DNAH6: variants seen among roughly 807,000 people sequenced by gnomAD.
DNAH6 encodes the protein dynein axonemal heavy chain 6, also known as axonemal beta dynein heavy chain 6.
In DNAH6, 340 loss-of-function variants were observed where a neutral mutation model predicts 491.4. The ratio of observed to expected loss-of-function variants is 0.69; its 90% CI spans 0.63 to 0.76. The LOEUF is 0.76. Ranked by LOEUF, DNAH6 falls within the 30% of genes least tolerant of loss-of-function variation. The probability of loss-of-function intolerance (pLI) is 0.00; values close to 1 mark genes in which losing one functional copy is unlikely to be tolerated. For synonymous variants in DNAH6, 1,603 were observed against 1,686.1 expected (o/e 0.95, Z 1.21); for missense variants, 4,443 against 4,972.2 (o/e 0.89, Z 3.20).
intron 37 of DNAH6, among the ~76,000 whole-genome samples, chr2:84,659,732 C>T (rs142336629): frequency 5.9e-5 from 9 of 152,196 alleles, no homozygotes; most frequent in African/African-American, 2.2e-4. Context: ...CCTGTAATCC[C>T]AGCATTTTGG....
At chr2:84,601,653 A>G (rs1040899627) in intron 18 of DNAH6, among the ~76,000 whole-genome samples, 5 of 582 alleles carry the variant, frequency 8.6e-3, no homozygotes, top group African/African-American at 0.051. Flanking sequence ...TATTTTTTTA[A>G]TCCAGTCTGA....
chr2:84,595,256 T>G (rs1374642765), intron 17 of DNAH6, among the ~76,000 whole-genome samples: 1 of 152,204 alleles, frequency 6.6e-6, no homozygotes, highest in East Asian at 1.9e-4. Context: ...AGTATATAGA[T>G]CTATAATTTT....
intron 63 of DNAH6, among the ~76,000 whole-genome samples, chr2:84,754,211 C>A (rs1360189989): frequency 6.6e-6 from 1 of 151,574 alleles, no homozygotes; most frequent in Non-Finnish European, 1.5e-5. Flanking sequence ...CGGAGTTTTG[C>A]CCTTGTCGCC....
chr2:84,692,155 A>G lies in DNAH6; in HGVS notation c.7293-2094A>G, dbSNP rs188743592. ...ACCAAAGATGATGTATATAGTAACT[A>G]ACTGTTACAGTCTCTAGAAGTTGGT... On this transcript the variant is annotated intron_variant, in intron 45 of 76. Transcript: ENST00000389394. Among the ~76,000 whole-genome samples, 568 of 152,274 alleles carry G rather than the reference A, an allele frequency of 3.7e-3. 2 individuals are homozygous for G. Among genetic ancestry groups the G allele is most frequent in the African/African-American group, 0.013 (538 of 41,536 alleles).
At position 84,781,515 on chromosome 2, in the gene DNAH6, C is replaced by A. The variant is rs1676699996; in HGVS notation, c.10726C>A (p.Gln3576Lys). 1.9e-6 allele frequency: 3 copies of A among 1,550,106 alleles called. No individual in the cohort carries two copies. The highest frequency in any genetic ancestry group is 3.3e-4 in the Middle Eastern group (2 of 6,006). ...SERVQSISLGQGQGPIAEKMV... is the reference protein window; with the variant it reads ...SERVQSISLGKGQGPIAEKMV... ...CAGGGTGCAGTCAATTTCACTGGGGCAAGGACAAGGACCTATTGCTGAAAA... is the reference window on the plus strand; with the variant it reads ...CAGGGTGCAGTCAATTTCACTGGGGAAAGGACAAGGACCTATTGCTGAAAA... Residue 3576 changes from glutamine to lysine, a missense_variant, in exon 65 of 77, where the codon CAA becomes AAA. Gln to Lys is a moderately conservative substitution (Grantham distance 53). Transcript: ENST00000389394.
intron 60 of DNAH6, among the ~76,000 whole-genome samples, chr2:84,723,437 C>T (rs1355720203): frequency 6.6e-6 from 1 of 152,098 alleles, no homozygotes; most frequent in Non-Finnish European, 1.5e-5. Context: ...TCCTGACTTC[C>T]TCAACTAGCT....
At chr2:84,629,838 CA>C (rs1383743895) in intron 29 of DNAH6, among the ~76,000 whole-genome samples, 1 of 152,040 alleles carries the variant, frequency 6.6e-6, no homozygotes, top group East Asian at 1.9e-4. Context: ...ATAGCCACAA[CA>C]AAATACCAAA....
chr2:84,684,141 T>C (rs887579168), intron 42 of DNAH6, among the ~76,000 whole-genome samples: 1 of 152,216 alleles, frequency 6.6e-6, no homozygotes, highest in Non-Finnish European at 1.5e-5. Flanking sequence ...TTGTTTTCTC[T>C]TCCTCCACTG....
intron 14 of DNAH6, among the ~76,000 whole-genome samples, chr2:84,583,288 A>G (rs1683221519): frequency 6.6e-6 from 1 of 152,194 alleles, no homozygotes; most frequent in Non-Finnish European, 1.5e-5. Context: ...CCCATCACAC[A>G]TGCCTGGAAG....
At chr2:84,648,072 G>A (rs924553556) in intron 33 of DNAH6, among the ~76,000 whole-genome samples, 1 of 152,184 alleles carries the variant, frequency 6.6e-6, no homozygotes, top group African/African-American at 2.4e-5. Flanking sequence ...ACACTGAAAA[G>A]CAGTCAGATT....
chr2:84,772,921 A>G (rs1675770097), intron 64 of DNAH6, among the ~76,000 whole-genome samples: 1 of 152,116 alleles, frequency 6.6e-6, no homozygotes, highest in Admixed American at 6.5e-5. Context: ...CAATAAACTT[A>G]AAAAGATTGA....
Position 84,819,308 on chromosome 2 carries a change from A to G in DNAH6, c.12377A>G (p.His4126Arg). The change falls in exon 77 of 77, where the codon CAT (histidine) becomes CGT (arginine). Residue 4126 changes from histidine to arginine, a missense_variant. Physicochemically the swap from His to Arg is conservative, Grantham distance 29 (BLOSUM62 0). Coordinates refer to ENST00000389394, the MANE Select transcript of DNAH6 (RefSeq NM_001370.2). ...TTTTTCCTATATCCTTAATTAGGAC[A>G]TTCAACCAATTTTGTGGTAACCGTC... ...ARAGTLSTTG[H>R]STNFVVTVLL... is the part of the protein sequence containing the mutation. The G allele has an allele frequency of 6.5e-7, 1 of 1,548,140 alleles. No homozygotes were observed. Among genetic ancestry groups the G allele is most frequent in the Non-Finnish European group, 8.7e-7 (1 of 1,145,140 alleles).
intron 51 of DNAH6, among the ~76,000 whole-genome samples, chr2:84,704,581 G>A (rs1299484519): frequency 6.6e-6 from 1 of 152,206 alleles, no homozygotes; most frequent in African/African-American, 2.4e-5. Flanking sequence ...AGTATTGGGA[G>A]TGCTGAGAAA....
chr2:84,672,539 A>G, intron 40 of DNAH6, 55 bp downstream of exon 40: 1 of 1,481,570 alleles, frequency 6.7e-7, no homozygotes, highest in Non-Finnish European at 9.1e-7. Flanking sequence ...ACAAGGAAAT[A>G]TGATGTATAG....
intron 63 of DNAH6, among the ~76,000 whole-genome samples, chr2:84,755,948 A>T (rs554154353): frequency 1.2e-4 from 18 of 152,318 alleles, no homozygotes; most frequent in African/African-American, 4.1e-4. Flanking sequence ...TTGTTTTAAA[A>T]AAGAGGAGTT....
intron 42 of DNAH6, 80 bp from the exon 43 acceptor site, chr2:84,685,245 AG>A: frequency 9.4e-7 from 1 of 1,059,626 alleles, no homozygotes. Flanking sequence ...GTTGTACTTA[AG>A]GGTTTCCTAA....
chr2:84,576,149 C>T (rs983857588), intron 12 of DNAH6, among the ~76,000 whole-genome samples: 1 of 152,138 alleles, frequency 6.6e-6, no homozygotes, highest in African/African-American at 2.4e-5. Flanking sequence ...CCTTACCATA[C>T]GACTTATCAG....
At chr2:84,739,730 C>G (rs921194335) in intron 62 of DNAH6, among the ~76,000 whole-genome samples, 1 of 152,054 alleles carries the variant, frequency 6.6e-6, no homozygotes, top group African/African-American at 2.4e-5. Flanking sequence ...GCTATGTTGT[C>G]TTTCATATCT....
At chr2:84,526,467 A>C (rs1676609886) in intron 3 of DNAH6, among the ~76,000 whole-genome samples, 1 of 152,174 alleles carries the variant, frequency 6.6e-6, no homozygotes, top group Non-Finnish European at 1.5e-5. Flanking sequence ...CACTCAGCAC[A>C]GTGGGGTATA....
Sources: gnomAD v4.1 joint callset for allele counts (sites outside exome capture counted in the v4.1 genomes callset) on GRCh38, gnomAD v4.1.1 for gene constraint, MANE v1.5 for transcripts, NCBI Gene and HGNC (gene_info 2026-07-23, HGNC 2026-07-21) for gene names.